Variants in ZMYM1 observed in about 807,000 individuals in gnomAD.
ZMYM1 encodes the protein zinc finger MYM-type containing 1.
A neutral mutation model predicts 60.0 loss-of-function variants in ZMYM1; 39 were observed. The observed-to-expected ratio is 0.65, with a 90% confidence interval of 0.50 to 0.85. ZMYM1 has a LOEUF of 0.85. Ranked by LOEUF, ZMYM1 falls within the 40% of genes least tolerant of loss-of-function variation. The pLI, the probability that ZMYM1 is intolerant of heterozygous loss-of-function variation, is 0.00. For missense variants in ZMYM1, 1,171 were observed against 1,309.5 expected, an observed-to-expected ratio of 0.89 and a Z score of 1.63; for synonymous variants, 413 against 454.0, an observed-to-expected ratio of 0.91 and a Z score of 1.15.
chr1:35,114,673 G>A lies in ZMYM1; in HGVS notation c.2843G>A (p.Gly948Asp). Residue 948 changes from glycine (G) to aspartate (D), a missense_variant, in exon 10 of 10, where the codon GGC (glycine) becomes GAC (aspartate). Gly to Asp is a moderately conservative substitution (Grantham distance 94). Transcript: ENST00000359858. ...AAAATTCAGAAATCAGTAGATCTTG[G>A]CAATTCAGATAATATGTTTTTTCCT... ...RRKIQKSVDL[G>D]NSDNMFFPTS... The A allele has an allele frequency of 1.3e-6, 2 of 1,590,728 alleles. 1 individual carries two copies. The highest frequency in any genetic ancestry group is 2.3e-5 in the South Asian group (2 of 85,928).
chr1:35,088,444 A>ATG (rs1409645586), intron 1 of ZMYM1, among the ~76,000 whole-genome samples: 2 of 113,838 alleles, frequency 1.8e-5, no homozygotes, highest in African/African-American at 7.4e-5. Context: ...GTATATATAT[A>ATG]TATATATATA....
chr1:35,097,022 A>G (rs577988563), intron 3 of ZMYM1, among the ~76,000 whole-genome samples: 1 of 151,952 alleles, frequency 6.6e-6, no homozygotes, highest in East Asian at 1.9e-4. Context: ...ATGGGGTTTC[A>G]CCATGTTGGC....
intron 1 of ZMYM1, among the ~76,000 whole-genome samples, chr1:35,090,290 C>T (rs1224775129): frequency 6.6e-6 from 1 of 151,904 alleles, no homozygotes; most frequent in Non-Finnish European, 1.5e-5. Flanking sequence ...GAAAGGGTTC[C>T]AAAGGATTTA....
chr1:35,112,869 T>C, intron 9 of ZMYM1, 108 bp from the exon 10 acceptor site: 1 of 1,008,044 alleles, frequency 9.9e-7, no homozygotes, highest in Non-Finnish European at 1.3e-6. Flanking sequence ...GTGGAGCTCA[T>C]ACTGTAACTC....
At chr1:35,086,835 C>T (rs7541269) in intron 1 of ZMYM1, among the ~76,000 whole-genome samples, 108,953 of 151,550 alleles carry the variant, frequency 0.72, 42,606 homozygotes, top group Non-Finnish European at 0.9. Flanking sequence ...GCGCCCACCA[C>T]CACGCTTGGC....
Position 35,095,389 on chromosome 1 carries a change from G to A in ZMYM1, c.97-430G>A, listed in dbSNP as rs139477201. 5.6e-3 allele frequency among the ~76,000 whole-genome samples: 845 copies of A among 151,498 alleles called. 6 individuals are homozygous for A. Among genetic ancestry groups the A allele is most frequent in the African/African-American group, 0.019 (803 of 41,258 alleles). On this transcript the variant is annotated intron_variant, in intron 2 of 9. Coordinates refer to ENST00000359858, the MANE Select transcript of ZMYM1 (RefSeq NM_024772.5). ...TGTGCCTGTAGTCTCAGCTACTTGG[G>A]AGGCTGAGGCAGAAGAATCACTTGA...
At chr1:35,077,315 C>T (rs1361120753), upstream of ZMYM1, among the ~76,000 whole-genome samples, 1 of 152,148 alleles carries the variant, frequency 6.6e-6, no homozygotes, top group Non-Finnish European at 1.5e-5. Context: ...CATCTTGGTT[C>T]TAACTTTAAA....
At position 35,113,355 on chromosome 1, in the gene ZMYM1, A is replaced by G; in HGVS notation, c.1525A>G (p.Lys509Glu). ...GTSNWKKTLE[K>E]FRKHEKSEMH... ...TTCTAATTGGAAAAAAACCCTGGAAAAATTCAGAAAGCATGAAAAAAGTGA... is the reference window on the plus strand; with the variant it reads ...TTCTAATTGGAAAAAAACCCTGGAAGAATTCAGAAAGCATGAAAAAAGTGA... Residue 509 changes from lysine to glutamate, a missense_variant, in exon 10 of 10, where the codon AAA becomes GAA. Transcript: ENST00000359858. 6.2e-7 allele frequency: 1 copy of G among 1,613,108 alleles called. No homozygotes were observed. The highest frequency in any genetic ancestry group is 8.5e-7 in the Non-Finnish European group (1 of 1,179,758).
rs200985906 is a variant in ZMYM1 at position 35,104,406 on chromosome 1, A to C, written c.531A>C (p.Pro177=). 6.2e-7 allele frequency: 1 copy of C among 1,612,830 alleles called. No individual in the cohort carries two copies. Among genetic ancestry groups the C allele is most frequent in the Non-Finnish European group, 8.5e-7 (1 of 1,179,662 alleles). The change falls in exon 5 of 10, where the codon CCA becomes CCC. Residue 177 remains proline, a synonymous_variant. Coordinates refer to ENST00000359858, the MANE Select transcript of ZMYM1 (RefSeq NM_024772.5). ...CLSSYEEKRK[P]FVTICTNSIL... ...CATCATATGAAGAAAAAAGAAAACC[A>C]TTTGTTACCATATGTACTAATAGCA...
Position 35,114,183 on chromosome 1 carries a change from T to G in ZMYM1, c.2353T>G (p.Leu785Val). Residue 785 changes from leucine (L) to valine (V), a missense_variant, in exon 10 of 10, where the codon TTG becomes GTG. Physicochemically the swap from Leu to Val is conservative, Grantham distance 32 (BLOSUM62 1). Coordinates refer to ENST00000359858, the MANE Select transcript of ZMYM1 (RefSeq NM_024772.5). ...FNTICMSGEM[L>V]ANFRNIYRLS... is the part of the protein sequence containing the mutation. ...CACTATTTGTATGTCTGGGGAAATG[T>G]TGGCAAATTTTCGAAACATTTATAG... The G allele has an allele frequency of 6.2e-7, 1 of 1,611,286 alleles. No homozygotes were observed. The highest frequency in any genetic ancestry group is 8.5e-7 in the Non-Finnish European group (1 of 1,179,276).
At chr1:35,096,133 T>C (rs541698704) in intron 3 of ZMYM1, among the ~76,000 whole-genome samples, 1 of 152,022 alleles carries the variant, frequency 6.6e-6, no homozygotes, top group Non-Finnish European at 1.5e-5. Context: ...GCCAACATAG[T>C]GAAACCCTGT....
In ZMYM1 at chr1:35,113,135, T is replaced by C. The variant is rs555468971; in HGVS notation, c.1305T>C (p.Asp435=). The C allele has an allele frequency of 7.7e-5, 125 of 1,613,992 alleles. No homozygotes were observed. In the East Asian group the frequency reaches 2.0e-3, roughly 25 times the overall value. The change falls in exon 10 of 10, where the codon GAT becomes GAC. Residue 435 remains aspartate, a synonymous_variant. Transcript: ENST00000359858. ...KDNMKSMKIS[D]ELCHPKCTSK... is the part of the protein sequence containing the mutation. The stretch of plus-strand genomic sequence containing the variant: ...ATATGAAATCTATGAAAATAAGTGA[T>C]GAACTATGTCACCCAAAATGTACAT...
chr1:35,093,965 A>T lies in ZMYM1; in HGVS notation c.-23A>T. ...AAACCCATTAGTTTGGAACTGGAGA[A>T]TTCCTTTGCATCAGATACTAAAATG... On this transcript the variant is annotated 5_prime_UTR_variant, in exon 2 of 10. Transcript: ENST00000359858. The T allele has an allele frequency of 6.4e-7, 1 of 1,558,618 alleles. No individual in the cohort carries two copies. Among genetic ancestry groups the T allele is most frequent in the Non-Finnish European group, 8.7e-7 (1 of 1,147,730 alleles).
At chr1:35,095,706 A>G in intron 2 of ZMYM1, 113 bp from the exon 3 acceptor site, 1 of 866,062 alleles carries the variant, frequency 1.2e-6, no homozygotes. Context: ...CAATTCAGTT[A>G]TACAATTCAT....
rs1423437294 is a variant in ZMYM1 at position 35,086,532 on chromosome 1, C to A, written c.-75+7090C>A. Among the ~76,000 whole-genome samples the A allele has an allele frequency of 5.3e-5, 8 of 152,020 alleles. No individual in the cohort carries two copies. In the East Asian group the frequency reaches 1.3e-3, roughly 26 times the overall value. ...TCTCCAATCAAGATTGTAACTTAAT[C>A]TGTAGCAGTAAAAAAAATAGTCTCT... On this transcript the variant is annotated intron_variant, in intron 1 of 9. Transcript: ENST00000359858.
rs372783141 is a variant in ZMYM1 at position 35,112,181 on chromosome 1, G to A, written c.1146+51G>A. ...GTCTTTTTTTAATAAGCAGATTTTT[G>A]TTGTTGTTGTTGTTGAGACAGAGTC... On this transcript the variant is annotated intron_variant, in intron 9 of 9. Coordinates refer to ENST00000359858, the MANE Select transcript of ZMYM1 (RefSeq NM_024772.5). 8.5e-5 allele frequency: 130 copies of A among 1,532,900 alleles called. No individual in the cohort carries two copies. The African/African-American group carries it at 1.6e-3, about 19-fold the overall frequency. 95.0% of individuals were successfully genotyped at this position (1,532,900 alleles called of 1,614,324 possible). A position where few individuals can be genotyped will look rare whatever the true frequency, so the allele number is the denominator to read the frequency against.
At chr1:35,102,192 C>A (rs893971668) in intron 4 of ZMYM1, among the ~76,000 whole-genome samples, 2 of 150,950 alleles carry the variant, frequency 1.3e-5, no homozygotes, top group African/African-American at 2.5e-5. Context: ...CCTTTTAGAT[C>A]GTTGTGGGTG....
chr1:35,098,626 G>T (rs1643467585), intron 4 of ZMYM1, among the ~76,000 whole-genome samples: 1 of 152,208 alleles, frequency 6.6e-6, no homozygotes, highest in Non-Finnish European at 1.5e-5. Context: ...ACTTTCTCAG[G>T]CTGGGAGCAG....
At chr1:35,072,158 CA>C (rs1432866306) in intron 1 of ZMYM1, among the ~76,000 whole-genome samples, 1 of 152,068 alleles carries the variant, frequency 6.6e-6, no homozygotes, top group Admixed American at 6.6e-5. Context: ...AAATAAAATT[CA>C]GCAGTGAAGC....
Sources: gnomAD v4.1 joint callset for allele counts (sites outside exome capture counted in the v4.1 genomes callset) on GRCh38, gnomAD v4.1.1 for gene constraint, MANE v1.5 for transcripts, NCBI Gene and HGNC (gene_info 2026-07-23, HGNC 2026-07-21) for gene names.